Variants in MAST2 observed in about 807,000 individuals in gnomAD.
The protein encoded by MAST2 is microtubule-associated serine/threonine-protein kinase 2.
MAST2 carries 70 observed loss-of-function variants against 147.4 expected under a neutral mutation model. That is an observed-to-expected ratio of 0.47 (90% confidence interval 0.39 to 0.58). The LOEUF is 0.58. MAST2 is among the 20% of genes least tolerant of loss of function. The probability of loss-of-function intolerance (pLI) is 0.00; values close to 1 mark genes in which losing one functional copy is unlikely to be tolerated. For synonymous variants in MAST2, 869 were observed against 896.8 expected, an observed-to-expected ratio of 0.97 and a Z score of 0.55; for missense variants, 2,080 against 2,302.3, an observed-to-expected ratio of 0.90 and a Z score of 1.98.
intron 5 of MAST2, among the ~76,000 whole-genome samples, chr1:45,964,004 A>G (rs1439091895): frequency 8.5e-5 from 13 of 152,154 alleles, no homozygotes; most frequent in Admixed American, 3.9e-4. Context: ...TTCTGTTTAT[A>G]TGCTGGATTA....
intron 7 of MAST2, 60 bp from the exon 8 acceptor site, chr1:46,006,181 C>G: frequency 6.7e-7 from 1 of 1,492,710 alleles, no homozygotes; most frequent in Non-Finnish European, 9.1e-7. Context: ...AGTCCTTCCC[C>G]ATTCTTGGAC....
intron 3 of MAST2, among the ~76,000 whole-genome samples, chr1:45,834,603 T>G (rs1230433977): frequency 6.6e-6 from 1 of 152,196 alleles, no homozygotes; most frequent in Non-Finnish European, 1.5e-5. Flanking sequence ...TCAAGATTAG[T>G]TATTATTTGT....
intron 3 of MAST2, among the ~76,000 whole-genome samples, chr1:45,852,345 C>G (rs1439764071): frequency 6.6e-6 from 1 of 151,994 alleles, no homozygotes; most frequent in Non-Finnish European, 1.5e-5. Flanking sequence ...GTGTTCTTCT[C>G]TATGTGAATT....
chr1:45,821,321 T>C (rs1644621057), intron 1 of MAST2, among the ~76,000 whole-genome samples: 1 of 152,194 alleles, frequency 6.6e-6, no homozygotes, highest in Non-Finnish European at 1.5e-5. Context: ...ATTCAGGATC[T>C]CCTGTATTTG....
intron 5 of MAST2, among the ~76,000 whole-genome samples, chr1:45,967,301 C>T: frequency 6.6e-6 from 1 of 152,058 alleles, no homozygotes. Context: ...AACTCCTGAC[C>T]ACAAGTGATC....
chr1:45,853,402 C>T (rs548012402), intron 3 of MAST2, among the ~76,000 whole-genome samples: 47 of 151,884 alleles, frequency 3.1e-4, no homozygotes, highest in African/African-American at 1.1e-3. Context: ...TCACCTAGGC[C>T]ATAGTGCAGT....
rs542211693 is a variant in MAST2 at position 45,915,579 on chromosome 1, G to A, written c.500+33184G>A. Among the ~76,000 whole-genome samples the A allele has an allele frequency of 2.6e-5, 4 of 152,006 alleles. No individual in the cohort carries two copies. In the East Asian group the frequency reaches 7.8e-4, roughly 29 times the overall value. On this transcript the variant is annotated intron_variant, in intron 4 of 28. Transcript: ENST00000361297. ...CAAAAAATTAGCCGGACGTGGTGGC[G>A]GGCGCCTGTAATCCCAGCTACTCGG...
intron 4 of MAST2, among the ~76,000 whole-genome samples, chr1:45,891,801 A>G (rs761760393): frequency 7.2e-5 from 11 of 152,184 alleles, no homozygotes; most frequent in Non-Finnish European, 1.5e-4. Context: ...GCCTTCTTAA[A>G]TTTACTTTGC....
chr1:45,926,441 A>G (rs983023372), intron 4 of MAST2, among the ~76,000 whole-genome samples: 1 of 46,678 alleles, frequency 2.1e-5, no homozygotes. Context: ...CCATATGTCC[A>G]TACTGCAGAA....
At chr1:45,857,455 G>A (rs1645825726) in intron 3 of MAST2, among the ~76,000 whole-genome samples, 1 of 152,164 alleles carries the variant, frequency 6.6e-6, no homozygotes, top group African/African-American at 2.4e-5. Context: ...CTCTGTTTAA[G>A]CAACAAATGA....
rs564436553 is a variant in MAST2, at chr1:45,899,858, A to T, written c.500+17463A>T. On this transcript the variant is annotated intron_variant, in intron 4 of 28. Coordinates refer to ENST00000361297, the MANE Select transcript of MAST2 (RefSeq NM_015112.3). ...AAAAGAGCTTTACAATTAAAAAAAA[A>T]TTTTTTTTTTTAAGATTTCTTTTCC... Among the ~76,000 whole-genome samples, 1,069 of 149,854 alleles carry T rather than the reference A, an allele frequency of 7.1e-3. 9 individuals are homozygous for T. The highest frequency in any genetic ancestry group is 0.022 in the African/African-American group (916 of 40,782).
intron 4 of MAST2, among the ~76,000 whole-genome samples, chr1:45,954,825 C>G (rs1438864847): frequency 6.6e-6 from 1 of 152,076 alleles, no homozygotes; most frequent in East Asian, 1.9e-4. Context: ...CCTGGAAATA[C>G]GATCTTTAGT....
chr1:45,825,508 C>T (rs1443948205), intron 2 of MAST2, among the ~76,000 whole-genome samples: 3 of 151,804 alleles, frequency 2.0e-5, no homozygotes, highest in Non-Finnish European at 4.4e-5. Flanking sequence ...TGTCTGCTCA[C>T]TGCAACCTCT....
At chr1:46,001,372 G>A (rs1250391751) in intron 6 of MAST2, among the ~76,000 whole-genome samples, 1 of 152,216 alleles carries the variant, frequency 6.6e-6, no homozygotes, top group Non-Finnish European at 1.5e-5. Flanking sequence ...TTGCTGCCAT[G>A]CAGCTAGTTT....
chr1:46,025,781 T>C lies in MAST2; in HGVS notation c.1885T>C (p.Tyr629His). The change falls in exon 16 of 29, where the codon TAT becomes CAT. Residue 629 changes from tyrosine (Y) to histidine (H), a missense_variant. Transcript: ENST00000361297. The part of the protein sequence containing the change: ...TVLALEYLHN[Y>H]GIVHRDLKPD... ...GCTGGCCCTGGAGTACTTACACAACTATGGCATCGTGCACCGTGACCTCAA... is the reference window on the plus strand; with the variant it reads ...GCTGGCCCTGGAGTACTTACACAACCATGGCATCGTGCACCGTGACCTCAA... 2.5e-6 allele frequency: 4 copies of C among 1,614,228 alleles called. No individual in the cohort carries two copies. The highest frequency in any genetic ancestry group is 3.4e-6 in the Non-Finnish European group (4 of 1,180,036).
intron 12 of MAST2, among the ~76,000 whole-genome samples, chr1:46,022,563 G>A (rs1646232232): frequency 6.7e-6 from 1 of 148,700 alleles, no homozygotes; most frequent in African/African-American, 2.4e-5. Flanking sequence ...CCTGCCTTCT[G>A]TGCTTCCCAG....
chr1:45,944,921 A>G (rs572103514), intron 4 of MAST2, among the ~76,000 whole-genome samples: 1 of 152,326 alleles, frequency 6.6e-6, no homozygotes, highest in Admixed American at 6.5e-5. Context: ...TCTGAAGGCC[A>G]AGGATTGAGT....
At position 46,034,223 on chromosome 1, in the gene MAST2, T is replaced by C; in HGVS notation, c.3825T>C (p.Ser1275=). The C allele has an allele frequency of 6.8e-6, 11 of 1,613,876 alleles. No individual in the cohort carries two copies. Among genetic ancestry groups the C allele is most frequent in the Non-Finnish European group, 9.3e-6 (11 of 1,179,938 alleles). Reference sequence around the variant, plus strand: ...ACAGCCACAGCCTTTCCCCCCGATCTCCCACTCAAGGCTACCGGGTGACCC... The same window carrying C: ...ACAGCCACAGCCTTTCCCCCCGATCCCCCACTCAAGGCTACCGGGTGACCC... The part of the protein sequence containing the change: ...PTHSHSLSPR[S]PTQGYRVTPD... The change falls in exon 28 of 29, where the codon TCT becomes TCC. Residue 1275 remains serine (S), a synonymous_variant. Transcript: ENST00000361297.
intron 10 of MAST2, among the ~76,000 whole-genome samples, chr1:46,015,559 A>G (rs1645900200): frequency 6.6e-6 from 1 of 152,228 alleles, no homozygotes; most frequent in East Asian, 1.9e-4. Flanking sequence ...CTACGCAAAT[A>G]AACTAGAAAA....
Sources: allele counts gnomAD v4.1 joint callset (sites outside exome capture counted in the v4.1 genomes callset), GRCh38; gene constraint gnomAD v4.1.1; transcripts MANE v1.5; gene names NCBI Gene and HGNC (gene_info 2026-07-23, HGNC 2026-07-21).